RREB1: variants seen among roughly 807,000 people sequenced by gnomAD.
RREB1 encodes the protein ras-responsive element-binding protein 1.
RREB1 carries 27 observed loss-of-function variants against 117.8 expected under a neutral mutation model. That is an observed-to-expected ratio of 0.23 (90% CI 0.17 to 0.32). The LOEUF (loss-of-function observed/expected upper bound fraction) is 0.32. RREB1 is among the 10% of genes least tolerant of loss of function. The probability of loss-of-function intolerance (pLI) is 1.00; values close to 1 mark genes in which losing one functional copy is unlikely to be tolerated. For synonymous variants in RREB1, 1,298 were observed against 1,026.7 expected (o/e 1.26, Z -5.05); for missense variants, 2,577 against 2,378.2 (o/e 1.08, Z -1.74).
intron 8 of RREB1, among the ~76,000 whole-genome samples, chr6:7,223,178 G>T (rs186329786): frequency 6.7e-6 from 1 of 149,444 alleles, no homozygotes; most frequent in African/African-American, 2.5e-5. Flanking sequence ...GATCACTTGC[G>T]CCCAGGAGTT....
Position 7,187,514 on chromosome 6 carries a change from C to T in RREB1, c.252C>T (p.His84=). The part of the protein sequence containing the change: ...ICTTQHQLTM[H]IRQHNTDTGG... ...CTACCCAGCACCAGCTGACCATGCA[C>T]ATTCGCCAGGTAGATTCCCACTGTT... The change falls in exon 5 of 13, where the codon CAC becomes CAT. Residue 84 remains histidine, a synonymous_variant. Coordinates refer to ENST00000379938, the MANE Select transcript of RREB1 (RefSeq NM_001003699.4). The T allele has an allele frequency of 1.4e-6, 2 of 1,480,360 alleles. No individual in the cohort carries two copies. The highest frequency in any genetic ancestry group is 1.8e-6 in the Non-Finnish European group (2 of 1,101,452). The allele number at this position is 1,480,360 out of a possible 1,614,324, so 91.7% of individuals were successfully genotyped here. A position where few individuals can be genotyped will look rare whatever the true frequency, so the allele number is the denominator to read the frequency against.
At chr6:7,142,094 G>T (rs1487660576) in intron 1 of RREB1, among the ~76,000 whole-genome samples, 4 of 152,112 alleles carry the variant, frequency 2.6e-5, no homozygotes, top group Admixed American at 2.6e-4. Flanking sequence ...GTGCGCCTGT[G>T]ATCCCAGCTA....
At chr6:7,124,472 G>T (rs150494782) in intron 1 of RREB1, among the ~76,000 whole-genome samples, 228 of 152,304 alleles carry the variant, frequency 1.5e-3, no homozygotes, top group African/African-American at 4.7e-3. Context: ...ATTGCCTCTT[G>T]TGTCTCTTCA....
intron 1 of RREB1, among the ~76,000 whole-genome samples, chr6:7,126,144 GGTGC>G (rs1368130511): frequency 6.6e-6 from 1 of 152,130 alleles, no homozygotes; most frequent in Non-Finnish European, 1.5e-5. Flanking sequence ...TGGGATTACA[GGTGC>G]GCACCACCAC....
At chr6:7,180,737 T>C (rs1472254184) in intron 2 of RREB1, among the ~76,000 whole-genome samples, 2 of 152,230 alleles carry the variant, frequency 1.3e-5, no homozygotes, top group African/African-American at 4.8e-5. Flanking sequence ...AGTGAATGCC[T>C]GAACTGTTTT....
intron 6 of RREB1, among the ~76,000 whole-genome samples, chr6:7,193,454 T>G (rs952961598): frequency 6.6e-6 from 1 of 152,170 alleles, no homozygotes; most frequent in Non-Finnish European, 1.5e-5. Flanking sequence ...ATTTTGCAAA[T>G]GAGGAAAGGA....
At chr6:7,177,188 C>G (rs1458096308) in intron 2 of RREB1, among the ~76,000 whole-genome samples, 1 of 119,216 alleles carries the variant, frequency 8.4e-6, no homozygotes, top group South Asian at 2.6e-4. Flanking sequence ...CACTGCACTA[C>G]AGTGTGGGCA....
intron 5 of RREB1, among the ~76,000 whole-genome samples, chr6:7,188,589 G>A (rs1472529719): frequency 2.6e-5 from 4 of 152,180 alleles, no homozygotes; most frequent in African/African-American, 7.2e-5. Flanking sequence ...ATATTGATGA[G>A]TGTAGAACAG....
chr6:7,224,132 G>A (rs1320611346), intron 8 of RREB1, among the ~76,000 whole-genome samples: 1 of 151,846 alleles, frequency 6.6e-6, no homozygotes, highest in Non-Finnish European at 1.5e-5. Flanking sequence ...GCTTTAGTTT[G>A]GCTTGCAAAA....
chr6:7,225,962 TAATTA>T (rs1767559366), intron 8 of RREB1, among the ~76,000 whole-genome samples: 1 of 152,232 alleles, frequency 6.6e-6, no homozygotes, highest in Non-Finnish European at 1.5e-5. Flanking sequence ...CCATCACTTC[TAATTA>T]GATTGGAAAA....
intron 6 of RREB1, among the ~76,000 whole-genome samples, chr6:7,195,986 A>G (rs1765645336): frequency 6.6e-6 from 1 of 152,176 alleles, no homozygotes; most frequent in South Asian, 2.1e-4. Context: ...GCTTGATTCC[A>G]CAAGGCTGGT....
At chr6:7,148,821 TCAGA>T (rs1302997451) in intron 1 of RREB1, among the ~76,000 whole-genome samples, 4 of 152,324 alleles carry the variant, frequency 2.6e-5, no homozygotes, top group African/African-American at 9.6e-5. Context: ...TTCAGTATAG[TCAGA>T]CATATACTAA....
intron 8 of RREB1, among the ~76,000 whole-genome samples, chr6:7,219,536 G>C (rs934206296): frequency 8.5e-5 from 13 of 152,216 alleles, no homozygotes; most frequent in African/African-American, 2.9e-4. Context: ...CTTCAGGACA[G>C]CGTGGAGTTC....
chr6:7,215,458 C>G (rs1034788609), intron 8 of RREB1: 11 of 152,178 alleles, frequency 7.2e-5, no homozygotes, highest in Admixed American at 5.9e-4. Context: ...CCACCTCAGC[C>G]TCCCAAGTAG....
chr6:7,238,950 C>G (rs1447900519), intron 10 of RREB1, among the ~76,000 whole-genome samples: 1 of 152,200 alleles, frequency 6.6e-6, no homozygotes, highest in East Asian at 1.9e-4. Flanking sequence ...GTGCCAGGTC[C>G]ACACCTTCAG....
intron 1 of RREB1, among the ~76,000 whole-genome samples, chr6:7,142,301 T>C (rs1227981459): frequency 6.6e-6 from 1 of 151,902 alleles, no homozygotes; most frequent in Non-Finnish European, 1.5e-5. Flanking sequence ...GCTTCCGCTT[T>C]TACACCCTCC....
chr6:7,217,328 TGAG>T, intron 8 of RREB1: 1 of 152,206 alleles, frequency 6.6e-6, no homozygotes, highest in South Asian at 2.1e-4. Context: ...AACACAATAA[TGAG>T]GAAGGAATTC....
chr6:7,243,465 TA>T (rs34481164), intron 11 of RREB1, among the ~76,000 whole-genome samples: 1 of 152,218 alleles, frequency 6.6e-6, no homozygotes, highest in African/African-American at 2.4e-5. Flanking sequence ...GCATTGCTTA[TA>T]AAAAGTCATC....
intron 1 of RREB1, among the ~76,000 whole-genome samples, chr6:7,147,383 C>T (rs1390220658): frequency 6.6e-6 from 1 of 152,216 alleles, no homozygotes; most frequent in Non-Finnish European, 1.5e-5. Context: ...TTTTCCTCCT[C>T]CTGTTTTCTT....
Sources: gnomAD v4.1 joint callset for allele counts (sites outside exome capture counted in the v4.1 genomes callset) on GRCh38, gnomAD v4.1.1 for gene constraint, MANE v1.5 for transcripts, NCBI Gene and HGNC (gene_info 2026-07-23, HGNC 2026-07-21) for gene names.